The following XPO7 variants were observed in gnomAD, a reference collection of about 807,000 sequenced individuals.
XPO7 encodes the protein exportin 7.
XPO7 carries 21 observed loss-of-function variants against 144.3 expected under a neutral mutation model. The ratio of observed to expected loss-of-function variants is 0.15; its 90% CI spans 0.10 to 0.21. The LOEUF is 0.21. Ranked by LOEUF, XPO7 falls within the 10% of genes least tolerant of loss-of-function variation. The pLI is 1.00. For synonymous variants in XPO7, 580 were observed against 499.6 expected (o/e 1.16, Z -2.15); for missense variants, 808 against 1,325.8 (o/e 0.61, Z 6.06).
At chr8:21,974,401 A>G (rs1265067989) in intron 5 of XPO7, among the ~76,000 whole-genome samples, 2 of 152,146 alleles carry the variant, frequency 1.3e-5, no homozygotes, top group Admixed American at 6.5e-5. Context: ...ACCTCCCTGA[A>G]TACAGAGGAA....
At chr8:21,998,648 T>C in intron 21 of XPO7, 107 bp from the exon 22 acceptor site, 1 of 846,398 alleles carries the variant, frequency 1.2e-6, no homozygotes, top group East Asian at 2.6e-5. Context: ...ATTGCTTACC[T>C]TAATGTAAAT....
At chr8:21,984,448 C>G (rs1239409767) in intron 11 of XPO7, among the ~76,000 whole-genome samples, 198 bp from the exon 12 acceptor site, 11 of 152,140 alleles carry the variant, frequency 7.2e-5, no homozygotes, top group Non-Finnish European at 1.6e-4. Flanking sequence ...CAGAATATAC[C>G]TAAGGGAGAC....
chr8:21,999,503 T>C (rs752342104), intron 23 of XPO7, 33 bp from the exon 24 acceptor site: 1 of 1,613,462 alleles, frequency 6.2e-7, no homozygotes, highest in South Asian at 1.1e-5. Flanking sequence ...GCATAGTGCC[T>C]AAGCTGATTT....
intron 26 of XPO7, 125 bp from the exon 27 acceptor site, chr8:22,003,778 G>T: frequency 2.2e-6 from 3 of 1,392,224 alleles, no homozygotes; most frequent in Non-Finnish European, 2.9e-6. Flanking sequence ...CTTTTTTAAG[G>T]GTCCAATTTT....
At chr8:22,000,838 C>G (rs1254172925) in intron 24 of XPO7, among the ~76,000 whole-genome samples, 1 of 152,114 alleles carries the variant, frequency 6.6e-6, no homozygotes, top group African/African-American at 2.4e-5. Context: ...AGGATTAAGT[C>G]AACTGCCAAA....
chr8:21,998,366 G>A (rs1188114562), intron 21 of XPO7, among the ~76,000 whole-genome samples: 1 of 152,182 alleles, frequency 6.6e-6, no homozygotes, highest in Non-Finnish European at 1.5e-5. Flanking sequence ...GTGTGAACCC[G>A]AGAGGCAGAG....
At chr8:21,920,223 C>T (rs1233878058) in intron 1 of XPO7, among the ~76,000 whole-genome samples, 1 of 151,858 alleles carries the variant, frequency 6.6e-6, no homozygotes, top group Non-Finnish European at 1.5e-5. Context: ...AAAAGGAAAC[C>T]TCGCGCTGAT....
intron 20 of XPO7, among the ~76,000 whole-genome samples, chr8:21,994,914 C>T (rs1812892721): frequency 6.6e-6 from 1 of 151,956 alleles, no homozygotes; most frequent in Non-Finnish European, 1.5e-5. Context: ...ATTAGCCAGG[C>T]GTGGTGGCGG....
intron 18 of XPO7, 85 bp downstream of exon 18, chr8:21,991,004 G>C: frequency 7.8e-7 from 1 of 1,274,702 alleles, no homozygotes; most frequent in Non-Finnish European, 1.1e-6. Context: ...AGATGTTGGG[G>C]AGGCCTTTTC....
At chr8:21,988,848 T>G (rs1812662363) in intron 15 of XPO7, 155 bp from the exon 16 acceptor site, 1 of 637,012 alleles carries the variant, frequency 1.6e-6, no homozygotes, top group Non-Finnish European at 2.7e-6. Flanking sequence ...GTACAGAGAT[T>G]TCCTACCCAT....
At chr8:21,994,594 C>G in intron 20 of XPO7, 143 bp downstream of exon 20, 1 of 661,098 alleles carries the variant, frequency 1.5e-6, no homozygotes, top group Non-Finnish European at 2.6e-6. Flanking sequence ...CTGCATGTGT[C>G]CTGGAAGCCA....
chr8:21,976,216 C>T (rs1254294910), intron 6 of XPO7, 140 bp from the exon 7 acceptor site: 1 of 835,720 alleles, frequency 1.2e-6, no homozygotes, highest in South Asian at 1.7e-5. Flanking sequence ...ATAGAAGTAC[C>T]ACATCTTTGG....
At chr8:21,975,392 T>C (rs763717204) in intron 6 of XPO7, among the ~76,000 whole-genome samples, 1 of 152,238 alleles carries the variant, frequency 6.6e-6, no homozygotes, top group Non-Finnish European at 1.5e-5. Context: ...CATTTATTGA[T>C]AGAGCTGAAC....
chr8:21,938,128 G>A (rs533936032), intron 1 of XPO7, among the ~76,000 whole-genome samples: 2 of 151,988 alleles, frequency 1.3e-5, no homozygotes, highest in African/African-American at 4.8e-5. Context: ...ATTCCTCAGG[G>A]TTGTCTTCTT....
At chr8:21,953,009 C>A (rs1309393610) in intron 1 of XPO7, among the ~76,000 whole-genome samples, 1 of 151,930 alleles carries the variant, frequency 6.6e-6, no homozygotes, top group African/African-American at 2.4e-5. Flanking sequence ...ACCCTGTTAT[C>A]CGCCCCTCCC....
rs532648875 is a variant in XPO7 at position 22,006,284 on chromosome 8, A to T, written c.*1196A>T. The T allele has an allele frequency of 5.9e-5, 9 of 152,356 alleles. No homozygotes were observed. In the South Asian group the frequency reaches 1.9e-3, roughly 32 times the overall value. 9.4% of individuals were successfully genotyped at this position (152,356 alleles called of 1,614,324 possible). A position where few individuals can be genotyped will look rare whatever the true frequency, so the allele number is the denominator to read the frequency against. On this transcript the variant is annotated 3_prime_UTR_variant, in exon 28 of 28. Transcript: ENST00000252512. ...TGTTTTGAATATTAAAAAAAATAATAACCTACAGAGGAAAATTAATGGAGA... is the reference window on the plus strand; with the variant it reads ...TGTTTTGAATATTAAAAAAAATAATTACCTACAGAGGAAAATTAATGGAGA...
intron 1 of XPO7, among the ~76,000 whole-genome samples, chr8:21,959,576 A>G (rs923667728): frequency 1.3e-5 from 2 of 152,142 alleles, no homozygotes; most frequent in African/African-American, 4.8e-5. Context: ...GTGGGTAAAG[A>G]TCCTACACTA....
chr8:22,002,088 T>C (rs1171799486), intron 24 of XPO7, 24 bp from the exon 25 acceptor site: 3 of 1,593,334 alleles, frequency 1.9e-6, no homozygotes, highest in African/African-American at 1.3e-5. Context: ...AGCTCTGTCC[T>C]ACCCCTGCCT....
At chr8:21,988,662 T>G (rs1585472905) in intron 15 of XPO7, 1 of 240,020 alleles carries the variant, frequency 4.2e-6, no homozygotes. Context: ...ATGGTGCAGG[T>G]GCAGAATTGC....
Sources: allele counts gnomAD v4.1 joint callset (sites outside exome capture counted in the v4.1 genomes callset), GRCh38; gene constraint gnomAD v4.1.1; transcripts MANE v1.5; gene names NCBI Gene and HGNC (gene_info 2026-07-23, HGNC 2026-07-21).